Variants in CACNA1D observed in about 807,000 individuals in gnomAD.
The protein encoded by CACNA1D is calcium voltage-gated channel subunit alpha1 D, also known as voltage-dependent L-type calcium channel subunit alpha-1D.
CACNA1D carries 55 observed loss-of-function variants against 257.1 expected under a neutral mutation model. The ratio of observed to expected loss-of-function variants is 0.21; its 90% confidence interval spans 0.17 to 0.27. The LOEUF (loss-of-function observed/expected upper bound fraction) is 0.27. Among genes scored for constraint, CACNA1D ranks in the 10% least tolerant of loss-of-function variants. The pLI, the probability that CACNA1D is intolerant of heterozygous loss-of-function variation, is 1.00. For synonymous variants in CACNA1D, 980 were observed against 1,014.9 expected (o/e 0.97, Z 0.65); for missense variants, 1,876 against 2,784.0 (o/e 0.67, Z 7.34).
intron 37 of CACNA1D, among the ~76,000 whole-genome samples, chr3:53,778,750 T>A (rs1420014745): frequency 6.6e-6 from 1 of 152,164 alleles, no homozygotes; most frequent in Non-Finnish European, 1.5e-5. Context: ...CTCTCATTGC[T>A]GGTGTTAAAG....
chr3:53,735,229 C>T (rs1461735543), intron 19 of CACNA1D, 145 bp from the exon 20 acceptor site: 7 of 823,680 alleles, frequency 8.5e-6, no homozygotes, highest in East Asian at 4.9e-5. Context: ...ACAGGTTGCT[C>T]AGGTGTGCCG....
At chr3:53,698,284 C>T (rs1042926953) in intron 8 of CACNA1D, among the ~76,000 whole-genome samples, 2 of 152,190 alleles carry the variant, frequency 1.3e-5, no homozygotes, top group Admixed American at 1.3e-4. Flanking sequence ...TGGCTCCCAG[C>T]AGCATTAGCA....
rs532801260 is a variant in CACNA1D at position 53,736,532 on chromosome 3, C to T, written c.2751+1029C>T. Among the ~76,000 whole-genome samples, 75 of 152,204 alleles carry T rather than the reference C, an allele frequency of 4.9e-4. 1 individual carries two copies. In the South Asian group the frequency reaches 0.015, roughly 31 times the overall value. On this transcript the variant is annotated intron_variant, in intron 20 of 47. Transcript: ENST00000350061. ...GTGCACCAGGCAGAGCCACTTGGAC[C>T]CTTAAGCATGTTAACTTAGCGGTTT...
chr3:53,775,029 C>T (rs921643363), intron 34 of CACNA1D, among the ~76,000 whole-genome samples: 4 of 152,156 alleles, frequency 2.6e-5, no homozygotes, highest in Non-Finnish European at 4.4e-5. Context: ...TTAGCAAAAA[C>T]GTCAAGGCCT....
intron 8 of CACNA1D, among the ~76,000 whole-genome samples, chr3:53,701,882 A>T (rs1424815443): frequency 6.6e-6 from 1 of 152,234 alleles, no homozygotes; most frequent in Non-Finnish European, 1.5e-5. Flanking sequence ...TTTCCAGGGC[A>T]GGTGTTCCTA....
chr3:53,718,648 G>A (rs751240311), intron 10 of CACNA1D: 1 of 1,536,168 alleles, frequency 6.5e-7, no homozygotes, highest in Non-Finnish European at 8.8e-7. Flanking sequence ...TGAAGAATGT[G>A]GTGGTTAACC....
At position 53,501,731 on chromosome 3, in the gene CACNA1D, T is replaced by G; in HGVS notation, c.483+11T>G. 2.9e-5 allele frequency: 40 copies of G among 1,364,842 alleles called. No individual in the cohort carries two copies. The highest frequency in any genetic ancestry group is 4.2e-5 in the Non-Finnish European group (40 of 953,630). 84.5% of individuals were successfully genotyped at this position (1,364,842 alleles called of 1,614,324 possible). A position where few individuals can be genotyped will look rare whatever the true frequency, so the allele number is the denominator to read the frequency against. ...ACAAATCATAACTTGGTAAGTGTCC[T>G]TAGAGTTCCTGCTGGTCCTGGTATA... is the stretch of plus-strand genomic sequence containing the variant. On this transcript the variant is annotated intron_variant, in intron 3 of 47. Transcript: ENST00000350061.
At chr3:53,730,355 G>A (rs567086319) in intron 15 of CACNA1D, 87 bp from the exon 16 acceptor site, 15 of 861,970 alleles carry the variant, frequency 1.7e-5, no homozygotes, top group Admixed American at 1.8e-5. Context: ...CCAGCTTCCC[G>A]GGATGCAGAG....
intron 3 of CACNA1D, among the ~76,000 whole-genome samples, chr3:53,556,927 G>A (rs1396623050): frequency 3.3e-5 from 5 of 152,050 alleles, no homozygotes; most frequent in Non-Finnish European, 5.9e-5. Context: ...TGTTGGCCAA[G>A]CTGGTCTTGA....
chr3:53,726,267 G>A (rs2094933745), intron 14 of CACNA1D, among the ~76,000 whole-genome samples: 1 of 152,202 alleles, frequency 6.6e-6, no homozygotes. Context: ...ATCTGTAGTT[G>A]AAGGTTCCAG....
At chr3:53,725,208 A>G (rs2094923542) in intron 14 of CACNA1D, among the ~76,000 whole-genome samples, 1 of 152,168 alleles carries the variant, frequency 6.6e-6, no homozygotes, top group Non-Finnish European at 1.5e-5. Flanking sequence ...ACAGGAGCTC[A>G]CTGTACGTGC....
chr3:53,747,249 C>T (rs2095178665), intron 25 of CACNA1D, 53 bp from the exon 26 acceptor site: 4 of 1,558,600 alleles, frequency 2.6e-6, no homozygotes, highest in East Asian at 2.2e-5. Flanking sequence ...CTTTACGCTG[C>T]TTCCACCTGT....
intron 3 of CACNA1D, among the ~76,000 whole-genome samples, chr3:53,615,098 G>A (rs1304484998): frequency 6.6e-6 from 1 of 152,186 alleles, no homozygotes; most frequent in Non-Finnish European, 1.5e-5. Flanking sequence ...TTTTAAATTG[G>A]TCACCAGACC....
chr3:53,626,959 C>G (rs1404823569), intron 3 of CACNA1D, among the ~76,000 whole-genome samples: 1 of 152,194 alleles, frequency 6.6e-6, no homozygotes, highest in Non-Finnish European at 1.5e-5. Flanking sequence ...GCTCTCCCTA[C>G]CTCTCAGCTC....
chr3:53,721,442 C>T (rs2094881869), intron 11 of CACNA1D, among the ~76,000 whole-genome samples: 1 of 152,146 alleles, frequency 6.6e-6, no homozygotes, highest in African/African-American at 2.4e-5. Context: ...AATTGGCTGA[C>T]CTTTCCACGG....
intron 3 of CACNA1D, among the ~76,000 whole-genome samples, chr3:53,613,396 A>G (rs892080157): frequency 6.6e-6 from 1 of 151,866 alleles, no homozygotes. Context: ...TGTTCTTGTG[A>G]TCTAGTAGAG....
At chr3:53,503,077 A>G (rs1319741537) in intron 3 of CACNA1D, among the ~76,000 whole-genome samples, 2 of 152,176 alleles carry the variant, frequency 1.3e-5, no homozygotes, top group African/African-American at 4.8e-5. Flanking sequence ...TTAACGATTT[A>G]TGTACAGGAT....
chr3:53,599,115 T>C (rs2093409423), intron 3 of CACNA1D, among the ~76,000 whole-genome samples: 1 of 152,210 alleles, frequency 6.6e-6, no homozygotes, highest in Admixed American at 6.5e-5. Context: ...CACATGTTAA[T>C]ATATCAGGGT....
At chr3:53,627,800 G>C (rs901282140) in intron 3 of CACNA1D, among the ~76,000 whole-genome samples, 3 of 152,020 alleles carry the variant, frequency 2.0e-5, no homozygotes, top group African/African-American at 7.2e-5. Context: ...ATCACCTGAG[G>C]TCAGGAGTTC....
Sources: gnomAD v4.1 joint callset for allele counts (sites outside exome capture counted in the v4.1 genomes callset) on GRCh38, gnomAD v4.1.1 for gene constraint, MANE v1.5 for transcripts, NCBI Gene and HGNC (gene_info 2026-07-23, HGNC 2026-07-21) for gene names.